Variants in VPS13C observed in about 807,000 individuals in gnomAD.
The protein encoded by VPS13C is intermembrane lipid transfer protein VPS13C.
Under a neutral mutation model 456.8 loss-of-function variants are expected in VPS13C, and 358 were observed. The ratio of observed to expected loss-of-function variants is 0.78; its 90% CI spans 0.72 to 0.86. The LOEUF is 0.86. Among genes scored for constraint, VPS13C ranks in the 40% least tolerant of loss-of-function variants. The pLI is 0.00. For missense variants in VPS13C, 4,818 were observed against 4,385.4 expected, an observed-to-expected ratio of 1.10 and a Z score of -2.79; for synonymous variants, 1,578 against 1,486.7, an observed-to-expected ratio of 1.06 and a Z score of -1.41.
At chr15:61,961,993 A>C in intron 34 of VPS13C, 100 bp from the exon 35 acceptor site, 1 of 1,303,260 alleles carries the variant, frequency 7.7e-7, no homozygotes, top group Non-Finnish European at 1.0e-6. Context: ...TTTTTTTTCC[A>C]ATATTTAACT....
intron 73 of VPS13C, among the ~76,000 whole-genome samples, chr15:61,879,883 T>C (rs1300800428): frequency 6.6e-6 from 1 of 152,116 alleles, no homozygotes; most frequent in Non-Finnish European, 1.5e-5. Flanking sequence ...AATTCCATTT[T>C]AGAAATCCAT....
intron 45 of VPS13C, among the ~76,000 whole-genome samples, chr15:61,945,176 C>T (rs190412542): frequency 2.9e-4 from 44 of 152,334 alleles, no homozygotes; most frequent in Admixed American, 1.2e-3. Context: ...CGCAGCTATG[C>T]GGAATGGTGA....
chr15:61,915,643 G>T lies in VPS13C; in HGVS notation c.8435C>A (p.Thr2812Asn), dbSNP rs2043447503. The T allele has an allele frequency of 6.3e-7, 1 of 1,589,628 alleles. No homozygotes were observed. The highest frequency in any genetic ancestry group is 1.4e-5 in the African/African-American group (1 of 73,594). The change falls in exon 61 of 85, where the codon ACT (threonine) becomes AAT (asparagine). Residue 2812 changes from threonine (T) to asparagine (N), a missense_variant. Coordinates refer to ENST00000644861, the MANE Select transcript of VPS13C (RefSeq NM_020821.3). ...LFSFKKKNIF[T>N]KNKVQLKIST... ...TGAACAAAACCACACCTTATTTTTA[G>T]TAAAAATGTTCTTCTTCTTGAAAGA...
At chr15:61,968,458 C>T (rs775202900) in intron 28 of VPS13C, among the ~76,000 whole-genome samples, 1 of 152,014 alleles carries the variant, frequency 6.6e-6, no homozygotes, top group African/African-American at 2.4e-5. Context: ...AACTTGAGCA[C>T]CATGGATTTT....
chr15:61,855,443 A>C (rs769975317), intron 83 of VPS13C, among the ~76,000 whole-genome samples: 3 of 152,114 alleles, frequency 2.0e-5, no homozygotes, highest in Admixed American at 2.0e-4. Context: ...ACATTCCTTA[A>C]ATTTTGACAC....
intron 66 of VPS13C, among the ~76,000 whole-genome samples, chr15:61,893,203 A>G (rs1406205479): frequency 6.6e-6 from 1 of 152,220 alleles, no homozygotes; most frequent in African/African-American, 2.4e-5. Flanking sequence ...TCAAGGGCCT[A>G]TGACAAAGAG....
chr15:61,948,511 A>G (rs2044682931), intron 42 of VPS13C, among the ~76,000 whole-genome samples: 1 of 151,994 alleles, frequency 6.6e-6, no homozygotes, highest in South Asian at 2.1e-4. Flanking sequence ...GTGAAACCCC[A>G]TCTCTACTAA....
At chr15:61,907,769 A>G (rs1400467745) in intron 65 of VPS13C, among the ~76,000 whole-genome samples, 6 of 152,194 alleles carry the variant, frequency 3.9e-5, no homozygotes, top group African/African-American at 1.2e-4. Context: ...TTTTAAAGAC[A>G]GGGTCTCCCT....
Position 61,920,313 on chromosome 15 carries a change from C to G in VPS13C, c.7231G>C (p.Ala2411Pro), listed in dbSNP as rs780081183. 3.8e-6 allele frequency: 6 copies of G among 1,599,504 alleles called. No individual in the cohort carries two copies. The highest frequency in any genetic ancestry group is 5.1e-6 in the Non-Finnish European group (6 of 1,170,554). ...NLAKGFSEGT[A>P]STFDYSLKDR... Reference sequence around the variant, plus strand: ...TTTAAAGAGTAGTCAAAAGTAGAAGCAGTGCCCTCTGAAAAACCCTGAAAA... The same window carrying G: ...TTTAAAGAGTAGTCAAAAGTAGAAGGAGTGCCCTCTGAAAAACCCTGAAAA... The change falls in exon 57 of 85, where the codon GCT becomes CCT. Residue 2411 changes from alanine (A) to proline (P), a missense_variant. Around this residue, in one of 3 missense-constraint regions of VPS13C, gnomAD observed 4,552 missense variants for 4,130.6 expected, o/e 1.10. Coordinates refer to ENST00000644861, the MANE Select transcript of VPS13C (RefSeq NM_020821.3).
intron 27 of VPS13C, among the ~76,000 whole-genome samples, chr15:61,972,289 A>G (rs1199174218): frequency 1.3e-5 from 2 of 152,230 alleles, no homozygotes; most frequent in African/African-American, 4.8e-5. Flanking sequence ...ATTTAGCTTA[A>G]AAGTGAAAAG....
At chr15:61,971,269 A>G (rs1271677420) in intron 27 of VPS13C, among the ~76,000 whole-genome samples, 3 of 152,020 alleles carry the variant, frequency 2.0e-5, no homozygotes, top group Non-Finnish European at 2.9e-5. Flanking sequence ...ATTTTACTTT[A>G]TTTTATTTTA....
chr15:62,010,951 T>C (rs2047017535), intron 12 of VPS13C, among the ~76,000 whole-genome samples: 2 of 152,136 alleles, frequency 1.3e-5, no homozygotes, highest in African/African-American at 4.8e-5. Context: ...TCATTAAAAA[T>C]ACTAATACAA....
rs192348831 is a variant in VPS13C, at chr15:61,960,429, C to T, written c.3909-834G>A. On this transcript the variant is annotated intron_variant, in intron 35 of 84. Transcript: ENST00000644861. ...TTTTATAATGGACATTCCTATAATG[C>T]GAATTATTATAATGGGACAACTGGT... 3.3e-3 allele frequency among the ~76,000 whole-genome samples: 499 copies of T among 152,076 alleles called. 5 individuals carry two copies. The highest frequency in any genetic ancestry group is 1.7e-3 in the Non-Finnish European group (114 of 67,980).
Position 61,991,103 on chromosome 15 carries a change from AAAC to A in VPS13C, c.1484-12_1484-10del, listed in dbSNP as rs761830971. 1.0e-5 allele frequency: 16 copies of A among 1,575,352 alleles called. No individual in the cohort carries two copies. Among genetic ancestry groups the A allele is most frequent in the Admixed American group, 3.9e-5 (2 of 51,664 alleles). On this transcript the variant is annotated splice_polypyrimidine_tract_variant and intron_variant, in intron 17 of 84. Coordinates refer to ENST00000644861, the MANE Select transcript of VPS13C (RefSeq NM_020821.3). ...CATAAGGTCATCAATAGCTATGAAA[AAAC>A]AACATTTTAAGAAATTAATTGCTTC...
Position 61,967,488 on chromosome 15 carries a change from T to C in VPS13C, c.2912-41A>G, listed in dbSNP as rs79590997. 2.2e-3 allele frequency: 3,249 copies of C among 1,452,332 alleles called. 73 individuals carry two copies. In the African/African-American group the frequency reaches 0.043, roughly 19 times the overall value. 90.0% of individuals were successfully genotyped at this position (1,452,332 alleles called of 1,614,324 possible). On this transcript the variant is annotated intron_variant, in intron 28 of 84. Coordinates refer to ENST00000644861, the MANE Select transcript of VPS13C (RefSeq NM_020821.3). ...AGGAAAAAAAAGTGTTTCAAATAAA[T>C]TGCTCTTTTGTAATTTGAAACATTT...
rs1437908189 is a variant in VPS13C at position 61,964,094 on chromosome 15, T to A, written c.3215-143A>T. On this transcript the variant is annotated intron_variant, in intron 31 of 84. Coordinates refer to ENST00000644861, the MANE Select transcript of VPS13C (RefSeq NM_020821.3). ...CCAACTCTTAAAGATTCAAACACTT[T>A]TTTTGCTTTATATATTCTGTAAAGT... 9.5e-6 allele frequency: 5 copies of A among 526,816 alleles called. No individual in the cohort carries two copies. In the East Asian group the frequency reaches 1.6e-4, roughly 16 times the overall value. The allele number at this position is 526,816 out of a possible 1,614,324, so 32.6% of individuals were successfully genotyped here. A position where few individuals can be genotyped will look rare whatever the true frequency, so the allele number is the denominator to read the frequency against.
Position 61,921,992 on chromosome 15 carries a change from C to T in VPS13C, c.7017G>A (p.Leu2339=). 2 of 1,613,696 alleles carry T rather than the reference C, an allele frequency of 1.2e-6. No homozygotes were observed. Among genetic ancestry groups the T allele is most frequent in the Non-Finnish European group, 1.7e-6 (2 of 1,179,682 alleles). The change falls in exon 55 of 85, where the codon CTG becomes CTA. Residue 2339 remains leucine (L), a synonymous_variant. Transcript: ENST00000644861. ...GTCTCTTCCCCTCCACTCTCTCAAT[C>T]AGTGGCTCCCAGACAGCATGGATCT... ...YNEIHAVWEP[L]IERVEGKRQW...
chr15:61,963,857 A>C lies in VPS13C; in HGVS notation c.3309T>G (p.Asn1103Lys), dbSNP rs1466094560. The change falls in exon 32 of 85, where the codon AAT (asparagine) becomes AAG (lysine). Residue 1103 changes from asparagine (N) to lysine (K), a missense_variant. Transcript: ENST00000644861. ...FCVIVCNEKN[N>K]IAEIKIQGLD... is the part of the protein sequence containing the mutation. ...TACCTTGAATCTTGATTTCGGCGATATTGTTCTTTTCGTTGCAAACAATGA... is the reference window on the plus strand; with the variant it reads ...TACCTTGAATCTTGATTTCGGCGATCTTGTTCTTTTCGTTGCAAACAATGA... The C allele has an allele frequency of 6.2e-7, 1 of 1,610,736 alleles. No homozygotes were observed. Among genetic ancestry groups the C allele is most frequent in the Non-Finnish European group, 8.5e-7 (1 of 1,178,286 alleles).
intron 66 of VPS13C, among the ~76,000 whole-genome samples, 191 bp from the exon 67 acceptor site, chr15:61,890,591 G>A (rs536155090): frequency 4.2e-4 from 64 of 152,202 alleles, no homozygotes; most frequent in South Asian, 1.9e-3. Context: ...TTTCAAAAAC[G>A]AAGACTAATA....
Sources: gnomAD v4.1 joint callset for allele counts (sites outside exome capture counted in the v4.1 genomes callset) on GRCh38, gnomAD v4.1.1 for gene constraint, gnomAD v4.1.1 regional missense constraint, MANE v1.5 for transcripts, NCBI Gene and HGNC (gene_info 2026-07-23, HGNC 2026-07-21) for gene names.